Variants in PAK2 observed in about 807,000 individuals in gnomAD.
The protein encoded by PAK2 is serine/threonine-protein kinase PAK 2.
A neutral mutation model predicts 65.9 loss-of-function variants in PAK2; 21 were observed. The ratio of observed to expected loss-of-function variants is 0.32; its 90% CI spans 0.23 to 0.46. PAK2 has a LOEUF of 0.46. PAK2 is among the 20% of genes least tolerant of loss of function. PAK2 has a pLI of 1.00. For missense variants in PAK2, 324 were observed against 642.6 expected, an observed-to-expected ratio of 0.50 and a Z score of 5.36; for synonymous variants, 204 against 219.7, an observed-to-expected ratio of 0.93 and a Z score of 0.63.
chr3:196,827,721 G>A (rs927194145), intron 14 of PAK2, among the ~76,000 whole-genome samples: 2 of 152,048 alleles, frequency 1.3e-5, no homozygotes, highest in Admixed American at 6.6e-5. Flanking sequence ...CCTGCACGTT[G>A]TGCGCATGTA....
intron 4 of PAK2, among the ~76,000 whole-genome samples, chr3:196,804,062 T>A (rs902521943): frequency 6.6e-6 from 1 of 152,192 alleles, no homozygotes; most frequent in African/African-American, 2.4e-5. Context: ...TTGTCCTGTT[T>A]CCCTCAGTTT....
chr3:196,821,574 G>A lies in PAK2; in HGVS notation c.1350+1007G>A, dbSNP rs577721985. On this transcript the variant is annotated intron_variant, in intron 13 of 14. Transcript: ENST00000327134. ...GGTGGGTGCCTGTAATCCCAGCTAC[G>A]TGGGAGGCTGAGGCAGGAGGATCAC... Among the ~76,000 whole-genome samples the A allele has an allele frequency of 1.4e-4, 21 of 151,266 alleles. 1 individual carries two copies. Among genetic ancestry groups the A allele is most frequent in the African/African-American group, 4.6e-4 (19 of 41,198 alleles).
At chr3:196,751,703 C>G (rs1310038186) in intron 1 of PAK2, among the ~76,000 whole-genome samples, 2 of 59,424 alleles carry the variant, frequency 3.4e-5, no homozygotes, top group Non-Finnish European at 6.2e-5. Context: ...ATAATTCAGG[C>G]TATATATAAA....
At chr3:196,800,568 T>C (rs1050882469) in intron 2 of PAK2, among the ~76,000 whole-genome samples, 3 of 152,200 alleles carry the variant, frequency 2.0e-5, no homozygotes, top group Admixed American at 6.6e-5. Context: ...AGAAGACTTA[T>C]GTGACATAGT....
intron 1 of PAK2, among the ~76,000 whole-genome samples, chr3:196,765,939 G>A (rs1408988530): frequency 6.7e-6 from 1 of 148,290 alleles, no homozygotes; most frequent in Non-Finnish European, 1.5e-5. Context: ...TTGCTCTGTT[G>A]CCCAGGCTGG....
At chr3:196,783,282 C>T (rs189331302) in intron 2 of PAK2, among the ~76,000 whole-genome samples, 245 of 152,240 alleles carry the variant, frequency 1.6e-3, no homozygotes, top group African/African-American at 5.3e-3. Flanking sequence ...TCGGAGGCAG[C>T]CTCAGTACTC....
intron 1 of PAK2, among the ~76,000 whole-genome samples, chr3:196,761,938 G>A (rs1358276931): frequency 2.9e-5 from 4 of 139,236 alleles, no homozygotes; most frequent in Non-Finnish European, 4.8e-5. Context: ...TCACTTCTCA[G>A]ACGGGGCAGC....
intron 2 of PAK2, among the ~76,000 whole-genome samples, chr3:196,789,602 A>G (rs1444022349): frequency 6.6e-6 from 1 of 152,014 alleles, no homozygotes; most frequent in Non-Finnish European, 1.5e-5. Flanking sequence ...AGCTGGGACT[A>G]GAGGTGCACG....
rs1713589849 is a variant in PAK2, at chr3:196,751,663, T to TATATATATATATATATATATA, written c.-22+11506_-22+11507insATATATATATATATATATATA. 5.7e-3 allele frequency among the ~76,000 whole-genome samples: 260 copies of TATATATATATATATATATATA among 45,518 alleles called. 34 individuals carry two copies. Among genetic ancestry groups the TATATATATATATATATATATA allele is most frequent in the Non-Finnish European group, 7.4e-3 (183 of 24,712 alleles). 29.9% of individuals were successfully genotyped at this position (45,518 alleles called of 152,430 possible). On this transcript the variant is annotated intron_variant, in intron 1 of 14. Transcript: ENST00000327134. ...CTGTCCCCCCAAAAAACACACAAAT[T>TATATATATATATATATATATA]TATTTATATACATATATATATATAT...
chr3:196,760,854 G>A (rs1713936286), intron 1 of PAK2, among the ~76,000 whole-genome samples: 2 of 152,178 alleles, frequency 1.3e-5, no homozygotes. Context: ...GTGCCTCCGT[G>A]TTAAAAGCAT....
chr3:196,757,732 G>A (rs148086140), intron 1 of PAK2, among the ~76,000 whole-genome samples: 1,550 of 152,232 alleles, frequency 0.01, 14 homozygotes, highest in Non-Finnish European at 0.017. Flanking sequence ...CATGAGCTAC[G>A]TGGTACTTAT....
rs559673882 is a variant in PAK2 at position 196,825,019 on chromosome 3, A to G, written c.1351-2177A>G. Among the ~76,000 whole-genome samples the G allele has an allele frequency of 1.4e-4, 22 of 152,216 alleles. No individual in the cohort carries two copies. In the South Asian group the frequency reaches 2.7e-3, roughly 19 times the overall value. On this transcript the variant is annotated intron_variant, in intron 13 of 14. Transcript: ENST00000327134. ...GTACTATCTGTTCAATTTTCTGTAA[A>G]CCTAAAACTTCTAAAAAATTAGTCA...
At chr3:196,740,691 C>G (rs1189380793) in intron 1 of PAK2, among the ~76,000 whole-genome samples, 1 of 152,146 alleles carries the variant, frequency 6.6e-6, no homozygotes. Flanking sequence ...TTGGTAAAAA[C>G]GTAGAGCGTC....
At chr3:196,819,002 C>T (rs766304762) in intron 12 of PAK2, among the ~76,000 whole-genome samples, 8 of 152,104 alleles carry the variant, frequency 5.3e-5, no homozygotes, top group Non-Finnish European at 1.2e-4. Context: ...AGAATTCTCT[C>T]CTGTAGAATT....
intron 1 of PAK2, among the ~76,000 whole-genome samples, chr3:196,782,067 C>T (rs1714731647): frequency 6.6e-6 from 1 of 152,096 alleles, no homozygotes; most frequent in Admixed American, 6.5e-5. Flanking sequence ...GATCACGCCA[C>T]TGCACTCCAG....
At chr3:196,744,043 A>T (rs1341977436) in intron 1 of PAK2, among the ~76,000 whole-genome samples, 2 of 152,180 alleles carry the variant, frequency 1.3e-5, no homozygotes, top group Non-Finnish European at 2.9e-5. Flanking sequence ...AGGGTTTTTG[A>T]ACACAAATTT....
At chr3:196,754,556 G>A (rs1228915182) in intron 1 of PAK2, among the ~76,000 whole-genome samples, 1 of 152,132 alleles carries the variant, frequency 6.6e-6, no homozygotes, top group African/African-American at 2.4e-5. Context: ...GTCTTTGTGA[G>A]TCTGAACTGA....
At chr3:196,774,036 A>AC (rs1714459135) in intron 1 of PAK2, among the ~76,000 whole-genome samples, 1 of 152,172 alleles carries the variant, frequency 6.6e-6, no homozygotes, top group African/African-American at 2.4e-5. Context: ...CGTCTCAAAA[A>AC]AAAACAACAA....
At position 196,774,627 on chromosome 3, in the gene PAK2, T is replaced by C. The variant is rs143308602; in HGVS notation, c.-21-7999T>C. ...AGGAATATGAGGCATAGGATTGACA[T>C]GGTGCAGTCACGTGAGATGAAATTG... On this transcript the variant is annotated intron_variant, in intron 1 of 14. Transcript: ENST00000327134. Among the ~76,000 whole-genome samples, 629 of 152,336 alleles carry C rather than the reference T, an allele frequency of 4.1e-3. 2 individuals are homozygous for C. The highest frequency in any genetic ancestry group is 0.024 in the South Asian group (118 of 4,832).
Sources: gnomAD v4.1 joint callset for allele counts (sites outside exome capture counted in the v4.1 genomes callset) on GRCh38, gnomAD v4.1.1 for gene constraint, MANE v1.5 for transcripts, NCBI Gene and HGNC (gene_info 2026-07-23, HGNC 2026-07-21) for gene names.